The following EHBP1 variants were observed in gnomAD, a reference collection of about 807,000 sequenced individuals.
EHBP1 encodes EH domain binding protein 1.
In EHBP1, 55 loss-of-function variants were observed where a neutral mutation model predicts 144.0. The observed-to-expected ratio is 0.38, with a 90% CI of 0.31 to 0.48. The LOEUF (loss-of-function observed/expected upper bound fraction) is 0.48. EHBP1 is among the 20% of genes least tolerant of loss of function. EHBP1 has a pLI of 0.98. For synonymous variants in EHBP1, 469 were observed against 472.7 expected, an observed-to-expected ratio of 0.99 and a Z score of 0.10; for missense variants, 1,200 against 1,364.2, an observed-to-expected ratio of 0.88 and a Z score of 1.90.
At position 62,788,812 on chromosome 2, in the gene EHBP1, A is replaced by T. The variant is rs141730381; in HGVS notation, c.312+17420A>T. Among the ~76,000 whole-genome samples the T allele has an allele frequency of 4.7e-4, 72 of 152,284 alleles. 1 individual carries two copies. The highest frequency in any genetic ancestry group is 1.5e-3 in the African/African-American group (64 of 41,558). On this transcript the variant is annotated intron_variant, in intron 5 of 22. Transcript: ENST00000431489. ...CCAGTACCTTCATTACTAATTGCAG[A>T]TGTTGAAGGCATGCTGTGACCCTGT...
chr2:62,974,293 A>G (rs1344115527), intron 14 of EHBP1, among the ~76,000 whole-genome samples: 3 of 152,140 alleles, frequency 2.0e-5, no homozygotes, highest in African/African-American at 7.2e-5. Context: ...CCTGGACCCA[A>G]GCAGTCCTCC....
chr2:62,922,043 CA>C (rs1216968220), intron 10 of EHBP1, among the ~76,000 whole-genome samples: 2 of 152,226 alleles, frequency 1.3e-5, no homozygotes, highest in Admixed American at 1.3e-4. Context: ...GGCATGGTGG[CA>C]GGCACCTGTA....
chr2:62,753,398 T>A (rs1487223734), intron 3 of EHBP1, among the ~76,000 whole-genome samples: 2 of 152,186 alleles, frequency 1.3e-5, no homozygotes, highest in Admixed American at 1.3e-4. Flanking sequence ...CTTCCCTTTG[T>A]GGGTAACCCG....
chr2:62,711,366 G>A (rs926655805), intron 2 of EHBP1, among the ~76,000 whole-genome samples: 1 of 152,138 alleles, frequency 6.6e-6, no homozygotes, highest in East Asian at 1.9e-4. Flanking sequence ...AATCAATAAT[G>A]ACTATAGGTT....
At chr2:62,859,385 C>G (rs1342548604) in intron 8 of EHBP1, 94 bp downstream of exon 8, 3 of 1,196,706 alleles carry the variant, frequency 2.5e-6, no homozygotes, top group African/African-American at 3.0e-5. Flanking sequence ...GACTAACACA[C>G]AAAAAATTAT....
intron 15 of EHBP1, among the ~76,000 whole-genome samples, chr2:62,984,040 A>T (rs1404169026): frequency 1.3e-5 from 2 of 151,994 alleles, no homozygotes; most frequent in Non-Finnish European, 2.9e-5. Flanking sequence ...ATAACATAAT[A>T]TCTGTATTGT....
intron 12 of EHBP1, among the ~76,000 whole-genome samples, chr2:62,944,611 C>G (rs1574173433): frequency 6.6e-6 from 1 of 152,226 alleles, no homozygotes; most frequent in Non-Finnish European, 1.5e-5. Context: ...TTAAGCAACA[C>G]ATGACTATAT....
At chr2:62,742,266 T>G (rs1217569588) in intron 2 of EHBP1, among the ~76,000 whole-genome samples, 1 of 152,086 alleles carries the variant, frequency 6.6e-6, no homozygotes, top group African/African-American at 2.4e-5. Context: ...AGGATGTGTA[T>G]AGGTTATATG....
intron 10 of EHBP1, among the ~76,000 whole-genome samples, chr2:62,882,439 G>C (rs1045040193): frequency 2.6e-5 from 4 of 152,142 alleles, no homozygotes; most frequent in Non-Finnish European, 4.4e-5. Context: ...AGAAACTTTA[G>C]GTCCCTTATC....
intron 14 of EHBP1, among the ~76,000 whole-genome samples, chr2:62,960,207 A>G (rs536565905): frequency 3.1e-4 from 47 of 152,150 alleles, no homozygotes; most frequent in Non-Finnish European, 6.0e-4. Context: ...CTTCCCAACT[A>G]CTCAGCATGG....
At chr2:62,721,804 A>G (rs901666071) in intron 2 of EHBP1, among the ~76,000 whole-genome samples, 2 of 152,124 alleles carry the variant, frequency 1.3e-5, no homozygotes, top group Non-Finnish European at 2.9e-5. Context: ...ATGGTTATTT[A>G]TAAAATAACC....
At chr2:62,730,412 T>TA (rs2037395506) in intron 2 of EHBP1, among the ~76,000 whole-genome samples, 1 of 152,176 alleles carries the variant, frequency 6.6e-6, no homozygotes, top group Non-Finnish European at 1.5e-5. Context: ...TTAGGTAGAC[T>TA]TTTTAGATTG....
At chr2:62,987,849 C>G in intron 15 of EHBP1, 2 of 735,470 alleles carry the variant, frequency 2.7e-6, no homozygotes, top group South Asian at 2.2e-5. Flanking sequence ...TACTAAAATA[C>G]TGGTTTTTCT....
chr2:62,951,769 C>T (rs927615801), intron 13 of EHBP1, among the ~76,000 whole-genome samples: 1 of 152,116 alleles, frequency 6.6e-6, no homozygotes, highest in Non-Finnish European at 1.5e-5. Flanking sequence ...AGGTGATCCT[C>T]CTGCCTCAGT....
chr2:62,843,758 G>A (rs747300092), intron 7 of EHBP1, among the ~76,000 whole-genome samples: 1 of 152,042 alleles, frequency 6.6e-6, no homozygotes, highest in Non-Finnish European at 1.5e-5. Flanking sequence ...CAAATAAAAG[G>A]TTTATTGAAA....
chr2:63,012,736 G>C (rs1388347171), intron 19 of EHBP1, among the ~76,000 whole-genome samples: 1 of 152,144 alleles, frequency 6.6e-6, no homozygotes, highest in Non-Finnish European at 1.5e-5. Context: ...ATGGTTCTTT[G>C]AGAATGTGCA....
intron 10 of EHBP1, among the ~76,000 whole-genome samples, chr2:62,910,419 T>C (rs1409273501): frequency 6.6e-6 from 1 of 152,216 alleles, no homozygotes; most frequent in Non-Finnish European, 1.5e-5. Context: ...CAGTTTTAAA[T>C]GGTGGTTTTA....
chr2:62,987,965 G>T (rs1359607754), intron 15 of EHBP1: 2 of 1,604,984 alleles, frequency 1.2e-6, no homozygotes, highest in Non-Finnish European at 8.5e-7. Context: ...ATACTAACGA[G>T]GAGATCCCTG....
intron 9 of EHBP1, 126 bp from the exon 10 acceptor site, chr2:62,874,220 A>G (rs961269940): frequency 8.1e-6 from 5 of 616,328 alleles, no homozygotes; most frequent in African/African-American, 1.9e-5. Context: ...TCCAAATTCC[A>G]GGTTATCACT....
Sources: gnomAD v4.1 joint callset for allele counts (sites outside exome capture counted in the v4.1 genomes callset) on GRCh38, gnomAD v4.1.1 for gene constraint, MANE v1.5 for transcripts, NCBI Gene and HGNC (gene_info 2026-07-23, HGNC 2026-07-21) for gene names.